The following YBX1 variants were observed in gnomAD, a reference collection of about 807,000 sequenced individuals.
YBX1 encodes Y-box-binding protein 1.
In YBX1, 3 loss-of-function variants were observed where a neutral mutation model predicts 41.4. That is an observed-to-expected ratio of 0.07 (90% CI 0.03 to 0.19). The LOEUF (loss-of-function observed/expected upper bound fraction) is 0.19. Ranked by LOEUF, YBX1 falls within the 10% of genes least tolerant of loss-of-function variation. The pLI is 1.00. For synonymous variants in YBX1, 133 were observed against 165.8 expected (o/e 0.80, Z 1.52); for missense variants, 274 against 462.8 (o/e 0.59, Z 3.74).
At chr1:42,688,257 G>GA (rs962453108) in intron 2 of YBX1, among the ~76,000 whole-genome samples, 70 of 152,210 alleles carry the variant, frequency 4.6e-4, no homozygotes, top group African/African-American at 1.6e-3. Context: ...AAATATATTG[G>GA]AAAAATGTTT....
At chr1:42,693,620 G>A (rs1650393311) in intron 3 of YBX1, 97 bp downstream of exon 3, 4 of 1,287,318 alleles carry the variant, frequency 3.1e-6, no homozygotes, top group Non-Finnish European at 4.4e-6. Flanking sequence ...AAAAGGTTAA[G>A]TCCAACCACC....
At position 42,696,672 on chromosome 1, in the gene YBX1, G is replaced by T; in HGVS notation, c.385G>T (p.Gly129Cys). The T allele has an allele frequency of 1.9e-6, 3 of 1,589,202 alleles. No individual in the cohort carries two copies. Among genetic ancestry groups the T allele is most frequent in the Non-Finnish European group, 2.6e-6 (3 of 1,165,514 alleles). ...GAEAANVTGP[G>C]GVPVQGSKYA... The stretch of plus-strand genomic sequence containing the variant: ...GGAGGCAGCAAATGTTACAGGTCCT[G>T]GTGGTGTTCCAGTTCAAGGCAGTAA... The change falls in exon 5 of 8, where the codon GGT becomes TGT. Residue 129 changes from glycine to cysteine, a missense_variant. Around this residue, in one of 3 missense-constraint regions of YBX1, gnomAD observed 187 missense variants for 306.3 expected, o/e 0.61. Coordinates refer to ENST00000321358, the MANE Select transcript of YBX1 (RefSeq NM_004559.5). This position sits in a 1 kb window ranked among gnomAD's most constrained non-coding sequence, Gnocchi z 5.7.
rs756462021 is a variant in YBX1 at position 42,696,809 on chromosome 1, G to A, written c.522G>A (p.Ser174=). Residue 174 remains serine, a synonymous_variant, in exon 5 of 8, where the codon TCG becomes TCA. Transcript: ENST00000321358. This position sits in a 1 kb window ranked among gnomAD's most constrained non-coding sequence, Gnocchi z 5.7. ...AGAGTGGGGAAAAGAACGAGGGATC[G>A]GAGAGTGCTCCCGAAGGCCAGGCCC... ...NSESGEKNEG[S]ESAPEGQAQQ... The A allele has an allele frequency of 1.5e-5, 25 of 1,613,216 alleles. No homozygotes were observed. Among genetic ancestry groups the A allele is most frequent in the East Asian group, 2.2e-5 (1 of 44,864 alleles).
In YBX1 at chr1:42,696,146, A is replaced by G. The variant is rs1309453813; in HGVS notation, c.265-53A>G. On this transcript the variant is annotated intron_variant, in intron 3 of 7. Coordinates refer to ENST00000321358, the MANE Select transcript of YBX1 (RefSeq NM_004559.5). The surrounding 1 kb of genome is among the most constrained non-coding windows in gnomAD (Gnocchi z 5.7). ...ATTGACTCTGGTACATTTTAAATGA[A>G]AAAGCACATTATTCTCCCCTGTTAA... 6.8e-7 allele frequency: 1 copy of G among 1,468,350 alleles called. No individual in the cohort carries two copies. 91.0% of individuals were successfully genotyped at this position (1,468,350 alleles called of 1,614,324 possible).
chr1:42,693,373 T>G (rs1650387141), intron 2 of YBX1, 117 bp from the exon 3 acceptor site: 1 of 1,213,324 alleles, frequency 8.2e-7, no homozygotes, highest in East Asian at 2.5e-5. Context: ...GTTTTTTGAT[T>G]TTTGCCAAAT....
At chr1:42,698,978 C>G (rs1463042803) in intron 6 of YBX1, among the ~76,000 whole-genome samples, 1 of 152,026 alleles carries the variant, frequency 6.6e-6, no homozygotes. Context: ...AAAGGGAAAT[C>G]TTAAGACAGA....
rs1325706594 is a variant in YBX1, at chr1:42,686,487, C to CT, written c.230+3028dup. Among the ~76,000 whole-genome samples, 7 of 152,242 alleles carry CT rather than the reference C, an allele frequency of 4.6e-5. No individual in the cohort carries two copies. The East Asian group carries it at 5.8e-4, about 13-fold the overall frequency. Reference sequence around the variant, plus strand: ...TGTCACCACATTTAGGTGGGGTATACTTTTTTTACGACAGCCTTCACGCCT... The same window carrying CT: ...TGTCACCACATTTAGGTGGGGTATACTTTTTTTTACGACAGCCTTCACGCCT... On this transcript the variant is annotated intron_variant, in intron 2 of 7. Coordinates refer to ENST00000321358, the MANE Select transcript of YBX1 (RefSeq NM_004559.5).
intron 2 of YBX1, among the ~76,000 whole-genome samples, chr1:42,688,433 A>G (rs1650249667): frequency 7.2e-6 from 1 of 138,990 alleles, no homozygotes; most frequent in Non-Finnish European, 1.6e-5. Context: ...TTTGCAGTTG[A>G]GAAATGTAAA....
chr1:42,682,842 G>T (rs1213944128), intron 1 of YBX1, 111 bp downstream of exon 1: 5 of 611,014 alleles, frequency 8.2e-6, no homozygotes, highest in Non-Finnish European at 1.1e-5. Flanking sequence ...CCGACTCCGC[G>T]GCGCGCGGCC....
At chr1:42,686,543 C>T (rs1288386343) in intron 2 of YBX1, among the ~76,000 whole-genome samples, 2 of 152,048 alleles carry the variant, frequency 1.3e-5, no homozygotes, top group African/African-American at 2.4e-5. Flanking sequence ...AGTTTATTAC[C>T]CATGGTCTAG....
At chr1:42,683,178 C>G (rs12760050) in intron 1 of YBX1, 3 of 662,462 alleles carry the variant, frequency 4.5e-6, no homozygotes. Flanking sequence ...CACACCCATC[C>G]TGGGGCCCGC....
intron 7 of YBX1, among the ~76,000 whole-genome samples, chr1:42,701,268 C>T (rs1557536574): frequency 1.3e-5 from 2 of 152,166 alleles, no homozygotes; most frequent in South Asian, 4.1e-4. Flanking sequence ...AATTCTGACA[C>T]TGGAGACCTG....
At chr1:42,693,355 T>C in intron 2 of YBX1, 135 bp from the exon 3 acceptor site, 1 of 864,198 alleles carries the variant, frequency 1.2e-6, no homozygotes, top group Non-Finnish European at 1.9e-6. Flanking sequence ...GAGAGCATGG[T>C]GGCTTGTGTT....
At chr1:42,685,298 TCA>T (rs1238941315) in intron 2 of YBX1, among the ~76,000 whole-genome samples, 1 of 152,202 alleles carries the variant, frequency 6.6e-6, no homozygotes, top group Non-Finnish European at 1.5e-5. Context: ...ACTCAATTGG[TCA>T]TCCTCCAGGG....
At chr1:42,689,054 A>G (rs568289236) in intron 2 of YBX1, among the ~76,000 whole-genome samples, 57 of 152,186 alleles carry the variant, frequency 3.7e-4, no homozygotes, top group Non-Finnish European at 7.3e-4. Flanking sequence ...TCAAACTTCT[A>G]TCCACCCTCA....
At position 42,682,529 on chromosome 1, in the gene YBX1, G is replaced by C. The variant is rs775448201; in HGVS notation, c.-37G>C. ...CCATCACACCCCGGGAGGAGCCGCA[G>C]CTGCCGCAGCCGGCCCCAGTCACCA... On this transcript the variant is annotated 5_prime_UTR_variant, in exon 1 of 8. Transcript: ENST00000321358. 1.4e-6 allele frequency: 2 copies of C among 1,435,280 alleles called. No individual in the cohort carries two copies. The highest frequency in any genetic ancestry group is 5.4e-5 in the Admixed American group (2 of 37,070). 88.9% of individuals were successfully genotyped at this position (1,435,280 alleles called of 1,614,324 possible).
intron 6 of YBX1, among the ~76,000 whole-genome samples, chr1:42,699,132 C>T (rs1650532252): frequency 6.6e-6 from 1 of 152,106 alleles, no homozygotes; most frequent in South Asian, 2.1e-4. Flanking sequence ...AAAGTGACTG[C>T]TGGAACTGTT....
At chr1:42,685,625 CAT>C (rs1478101199) in intron 2 of YBX1, among the ~76,000 whole-genome samples, 1 of 152,224 alleles carries the variant, frequency 6.6e-6, no homozygotes, top group East Asian at 1.9e-4. Context: ...CAGACTGACA[CAT>C]AACGTGCTGT....
intron 6 of YBX1, among the ~76,000 whole-genome samples, chr1:42,698,670 C>T (rs1451416704): frequency 1.3e-5 from 2 of 152,152 alleles, no homozygotes; most frequent in Non-Finnish European, 2.9e-5. Flanking sequence ...GACAAACAAG[C>T]TTGCGGTTGA....
Sources: gnomAD v4.1 joint callset for allele counts (sites outside exome capture counted in the v4.1 genomes callset) on GRCh38, gnomAD v4.1.1 for gene constraint, gnomAD v4.1.1 regional missense constraint, Gnocchi (gnomAD v3.1) non-coding constraint, MANE v1.5 for transcripts, NCBI Gene and HGNC (gene_info 2026-07-23, HGNC 2026-07-21) for gene names.